The following SGCZ variants were observed in gnomAD, a reference collection of about 807,000 sequenced individuals.
SGCZ encodes sarcoglycan zeta, also known as zeta-sarcoglycan.
A neutral mutation model predicts 41.3 loss-of-function variants in SGCZ; 40 were observed. That is an observed-to-expected ratio of 0.97 (90% CI 0.75 to 1.26). The LOEUF (loss-of-function observed/expected upper bound fraction) is 1.26, where lower values mean the gene tolerates loss of function less well. SGCZ is among the 50% of genes most tolerant of loss of function. SGCZ has a pLI of 0.00. For synonymous variants in SGCZ, 206 were observed against 137.5 expected (o/e 1.50, Z -3.49); for missense variants, 552 against 369.8 (o/e 1.49, Z -4.04).
chr8:15,130,126 G>T (rs1028676751), intron 1 of SGCZ, among the ~76,000 whole-genome samples: 4 of 152,098 alleles, frequency 2.6e-5, no homozygotes, highest in Non-Finnish European at 5.9e-5. Context: ...TCTATCGGGA[G>T]GTTTTGGCAT....
intron 1 of SGCZ, among the ~76,000 whole-genome samples, chr8:14,735,047 T>C (rs966245364): frequency 6.6e-6 from 1 of 152,150 alleles, no homozygotes; most frequent in African/African-American, 2.4e-5. Context: ...GTATGAAGCA[T>C]AGAATACACA....
At chr8:14,288,738 G>A (rs1800734338) in intron 3 of SGCZ, among the ~76,000 whole-genome samples, 1 of 152,022 alleles carries the variant, frequency 6.6e-6, no homozygotes, top group African/African-American at 2.4e-5. Context: ...GTACTGTTAT[G>A]ACCATTTGTG....
At chr8:14,962,553 C>T (rs1394128867) in intron 1 of SGCZ, among the ~76,000 whole-genome samples, 1 of 152,016 alleles carries the variant, frequency 6.6e-6, no homozygotes, top group East Asian at 1.9e-4. Context: ...TTACTGGTTT[C>T]TCTGTATTTT....
intron 5 of SGCZ, among the ~76,000 whole-genome samples, chr8:14,154,030 C>T (rs1303493725): frequency 6.6e-5 from 10 of 151,968 alleles, no homozygotes; most frequent in Admixed American, 6.6e-4. Context: ...AGAGCCTGAC[C>T]ATGTTGGCAC....
chr8:14,471,469 A>T (rs1801211230), intron 2 of SGCZ, among the ~76,000 whole-genome samples: 1 of 152,074 alleles, frequency 6.6e-6, no homozygotes, highest in Non-Finnish European at 1.5e-5. Flanking sequence ...ATGATACAAC[A>T]TCCAATTATT....
At chr8:15,166,973 G>C (rs771975999) in intron 1 of SGCZ, among the ~76,000 whole-genome samples, 1 of 151,992 alleles carries the variant, frequency 6.6e-6, no homozygotes, top group Non-Finnish European at 1.5e-5. Context: ...AAGCTGAAGC[G>C]AATCTTTTTG....
chr8:14,846,054 G>GA (rs1157492929), intron 1 of SGCZ, among the ~76,000 whole-genome samples: 3 of 152,022 alleles, frequency 2.0e-5, no homozygotes, highest in African/African-American at 7.2e-5. Context: ...AAAACAGAAA[G>GA]AAGAAATAGA....
chr8:14,231,796 C>G (rs1347092195), intron 4 of SGCZ, among the ~76,000 whole-genome samples: 1 of 152,022 alleles, frequency 6.6e-6, no homozygotes, highest in East Asian at 1.9e-4. Flanking sequence ...GTGAGAAAAA[C>G]GTGTTTGTTT....
chr8:14,772,194 T>C, intron 1 of SGCZ, among the ~76,000 whole-genome samples: 1 of 152,174 alleles, frequency 6.6e-6, no homozygotes, highest in South Asian at 2.1e-4. Context: ...TCGGAACACA[T>C]TTAAGGTAGG....
chr8:15,217,650 A>G (rs1270637207), intron 1 of SGCZ, among the ~76,000 whole-genome samples: 1 of 152,162 alleles, frequency 6.6e-6, no homozygotes, highest in Non-Finnish European at 1.5e-5. Context: ...TGTTTTCCTG[A>G]CTTGCATGCA....
Position 14,479,270 on chromosome 8 carries a change from G to A in SGCZ, c.234+75462C>T, listed in dbSNP as rs111934623. 6.5e-3 allele frequency among the ~76,000 whole-genome samples: 589 copies of A among 90,708 alleles called. 7 individuals carry two copies. Among genetic ancestry groups the A allele is most frequent in the African/African-American group, 0.019 (556 of 28,984 alleles). The allele number at this position is 90,708 out of a possible 152,430, so 59.5% of individuals were successfully genotyped here. A position where few individuals can be genotyped will look rare whatever the true frequency, so the allele number is the denominator to read the frequency against. ...TTGTAGGTCCAAGAGTCCAAAAACT[G>A]AAGAACTTGCAGTCTAACGTTCAAC... On this transcript the variant is annotated intron_variant, in intron 2 of 7. Coordinates refer to ENST00000382080, the MANE Select transcript of SGCZ (RefSeq NM_139167.4).
rs146001962 is a variant in SGCZ, at chr8:14,812,836, T to C, written c.40-257910A>G. Among the ~76,000 whole-genome samples the C allele has an allele frequency of 2.8e-4, 43 of 152,282 alleles. 1 individual carries two copies. The East Asian group carries it at 8.1e-3, about 29-fold the overall frequency. ...AGCTTCCACAATTATCAAGCATGCT[T>C]ATTAAACTTGAAAAAAGCATTGCAT... On this transcript the variant is annotated intron_variant, in intron 1 of 7. Coordinates refer to ENST00000382080, the MANE Select transcript of SGCZ (RefSeq NM_139167.4).
intron 1 of SGCZ, among the ~76,000 whole-genome samples, chr8:14,653,127 G>T (rs1007420432): frequency 6.6e-6 from 1 of 151,944 alleles, no homozygotes; most frequent in Non-Finnish European, 1.5e-5. Context: ...CAATCCATGA[G>T]GTACAGACAG....
chr8:15,112,519 A>G (rs1011155619), intron 1 of SGCZ, among the ~76,000 whole-genome samples: 4 of 152,228 alleles, frequency 2.6e-5, no homozygotes, highest in African/African-American at 9.6e-5. Context: ...ACATCTCCTT[A>G]TGAATCTGAA....
At chr8:15,145,561 G>T (rs1404118389) in intron 1 of SGCZ, among the ~76,000 whole-genome samples, 1 of 152,102 alleles carries the variant, frequency 6.6e-6, no homozygotes, top group African/African-American at 2.4e-5. Flanking sequence ...GGAACTCCTG[G>T]ATTTGAGTAA....
In SGCZ at chr8:15,076,803, C is replaced by A. The variant is rs889124845; in HGVS notation, c.39+160782G>T. On this transcript the variant is annotated intron_variant, in intron 1 of 7. Transcript: ENST00000382080. ...TCCTTTCTCTGCACACCGCCTCCCT[C>A]CAGCATTCCCTTTTTCGTTACTATT... Among the ~76,000 whole-genome samples the A allele has an allele frequency of 7.3e-5, 11 of 150,992 alleles. No individual in the cohort carries two copies. In the East Asian group the frequency reaches 2.1e-3, roughly 29 times the overall value.
intron 2 of SGCZ, among the ~76,000 whole-genome samples, chr8:14,519,683 C>T (rs931509801): frequency 4.6e-5 from 7 of 152,176 alleles, no homozygotes; most frequent in Admixed American, 1.3e-4. Flanking sequence ...AACTCAGTCT[C>T]GGCTGTTCAT....
intron 1 of SGCZ, among the ~76,000 whole-genome samples, chr8:14,814,493 C>T (rs1026762082): frequency 6.6e-6 from 1 of 152,128 alleles, no homozygotes; most frequent in African/African-American, 2.4e-5. Context: ...CTAAGAGGGC[C>T]CCCAGAAGTG....
At chr8:14,195,054 T>A (rs1306999193) in intron 4 of SGCZ, among the ~76,000 whole-genome samples, 2 of 152,054 alleles carry the variant, frequency 1.3e-5, no homozygotes, top group Non-Finnish European at 2.9e-5. Flanking sequence ...AAAATGTACA[T>A]CAAATATTGA....
Sources: allele counts gnomAD v4.1 joint callset (sites outside exome capture counted in the v4.1 genomes callset), GRCh38; gene constraint gnomAD v4.1.1; transcripts MANE v1.5; gene names NCBI Gene and HGNC (gene_info 2026-07-23, HGNC 2026-07-21).